Variants in CST3 observed in about 807,000 individuals in gnomAD.
CST3 encodes the protein cystatin C, also known as cystatin-C.
In CST3, 14 loss-of-function variants were observed where a neutral mutation model predicts 9.0. That is an observed-to-expected ratio of 1.56 (90% confidence interval 1.03 to 2.44). The LOEUF is 2.44. Ranked by LOEUF, CST3 falls within the 30% of genes most tolerant of loss-of-function variation. The pLI, the probability that CST3 is intolerant of heterozygous loss-of-function variation, is 0.00. For synonymous variants in CST3, 96 were observed against 90.2 expected (o/e 1.06, Z -0.37); for missense variants, 237 against 204.3 (o/e 1.16, Z -0.98).
downstream of CST3, among the ~76,000 whole-genome samples, chr20:23,632,551 G>A (rs747057450): frequency 2.6e-5 from 4 of 152,164 alleles, no homozygotes; most frequent in South Asian, 2.1e-4. Context: ...GGAAGCAGAC[G>A]CTCCCCACTC....
chr20:23,630,046 T>C (rs1979395959), downstream of CST3, among the ~76,000 whole-genome samples: 1 of 152,252 alleles, frequency 6.6e-6, no homozygotes, highest in Admixed American at 6.5e-5. Flanking sequence ...AGACTATCTT[T>C]ACCTGCTGCA....
chr20:23,634,354 C>T (rs79996778), intron 2 of CST3, among the ~76,000 whole-genome samples: 4,548 of 152,284 alleles, frequency 0.03, 97 homozygotes, highest in Non-Finnish European at 0.044. Context: ...CACCTCCAGC[C>T]CTCAGGCCAG....
downstream of CST3, among the ~76,000 whole-genome samples, chr20:23,633,291 C>T (rs73102315): frequency 0.032 from 4,851 of 152,222 alleles, 116 homozygotes; most frequent in Non-Finnish European, 0.048. Flanking sequence ...TATGACCTGG[C>T]GAGCTCCACC....
rs977504934 is a variant in CST3 at position 23,634,165 on chromosome 20, G to A, written c.358-166C>T. ...CTGATCCCAGAGCACCGCTGGACTGGGCAGTGACTGCTCCATCCCTCTCCC... is the reference window on the plus strand; with the variant it reads ...CTGATCCCAGAGCACCGCTGGACTGAGCAGTGACTGCTCCATCCCTCTCCC... On this transcript the variant is annotated intron_variant, in intron 2 of 2. Transcript: ENST00000376925. Among the ~76,000 whole-genome samples, 32 of 152,096 alleles carry A rather than the reference G, an allele frequency of 2.1e-4. 1 individual carries two copies.
chr20:23,628,276 C>T (rs1163501227), exon 4 of CST3: 3 of 152,232 alleles, frequency 2.0e-5, no homozygotes, highest in African/African-American at 7.2e-5. Flanking sequence ...AGCTACACTT[C>T]TGGCTGACCA....
intron 1 of CST3, 129 bp downstream of exon 1, chr20:23,637,491 A>T (rs1979725161): frequency 2.1e-6 from 2 of 937,354 alleles, no homozygotes; most frequent in Non-Finnish European, 2.9e-6. Context: ...GTGACAGCGA[A>T]GACCGGGAAC....
At chr20:23,631,063 A>G (rs1006962702), downstream of CST3, among the ~76,000 whole-genome samples, 7 of 152,196 alleles carry the variant, frequency 4.6e-5, no homozygotes. Context: ...ATTGAACCTG[A>G]AAAAACAGTT....
chr20:23,626,716 A>G (rs955029889), exon 4 of CST3: 1 of 152,136 alleles, frequency 6.6e-6, no homozygotes, highest in Non-Finnish European at 1.5e-5. Flanking sequence ...TTGTTTGTAC[A>G]CTTTAAGAAT....
chr20:23,637,578 G>T, intron 1 of CST3, 42 bp downstream of exon 1: 1 of 1,454,988 alleles, frequency 6.9e-7, no homozygotes, highest in African/African-American at 1.5e-5. Context: ...AGGCTGGGAC[G>T]GCGGGGCCGG....
downstream of CST3, among the ~76,000 whole-genome samples, chr20:23,633,315 T>C (rs967333437): frequency 4.0e-5 from 6 of 151,372 alleles, no homozygotes; most frequent in Non-Finnish European, 7.4e-5. Context: ...GCCTGGCCCC[T>C]GTCTATGGAC....
At chr20:23,636,233 G>T (rs1273159417) in intron 1 of CST3, among the ~76,000 whole-genome samples, 2 of 152,202 alleles carry the variant, frequency 1.3e-5, no homozygotes, top group Non-Finnish European at 1.5e-5. Context: ...ACGGCTGCGG[G>T]AGAAACGCGG....
intron 2 of CST3, among the ~76,000 whole-genome samples, chr20:23,634,474 C>T (rs543778124): frequency 1.3e-5 from 2 of 152,226 alleles, no homozygotes; most frequent in East Asian, 1.9e-4. Context: ...TGAGCAGAGA[C>T]GTCACAAGAA....
At chr20:23,635,553 T>C (rs1979641586) in intron 1 of CST3, among the ~76,000 whole-genome samples, 186 bp from the exon 2 acceptor site, 1 of 152,212 alleles carries the variant, frequency 6.6e-6, no homozygotes, top group Non-Finnish European at 1.5e-5. Context: ...AGGGATGCCA[T>C]GCCCCAGGCC....
In CST3 at chr20:23,635,182, T is replaced by TCACACA. The variant is rs3067508; in HGVS notation, c.357+66_357+71dup. On this transcript the variant is annotated intron_variant, in intron 2 of 2. Coordinates refer to ENST00000376925, the MANE Select transcript of CST3 (RefSeq NM_000099.4). ...ACACGTACCCTGCAGAACATGTGCA[T>TCACACA]CACACACACACACACACACACACAC... is the stretch of plus-strand genomic sequence containing the variant. 1.3e-3 allele frequency: 1,486 copies of TCACACA among 1,104,070 alleles called. 3 individuals are homozygous for TCACACA. The African/African-American group carries it at 0.015, about 11-fold the overall frequency. The allele number at this position is 1,104,070 out of a possible 1,614,324, so 68.4% of individuals were successfully genotyped here. A position where few individuals can be genotyped will look rare whatever the true frequency, so the allele number is the denominator to read the frequency against.
At chr20:23,637,542 ACGGGGTCCGGGAGCAGCG>A in intron 1 of CST3, 60 bp downstream of exon 1, 1 of 1,333,418 alleles carries the variant, frequency 7.5e-7, no homozygotes, top group Non-Finnish European at 9.8e-7. Context: ...GAGGAGCAGC[ACGGGGTCCGGGAGCAGCG>A]CGGGGGGAGG....
At chr20:23,634,287 T>C (rs1441271123) in intron 2 of CST3, among the ~76,000 whole-genome samples, 1 of 152,094 alleles carries the variant, frequency 6.6e-6, no homozygotes, top group Non-Finnish European at 1.5e-5. Flanking sequence ...GTGCAAGGCC[T>C]CGGGAGCCCT....
intron 2 of CST3, among the ~76,000 whole-genome samples, chr20:23,634,554 C>T (rs77618046): frequency 0.03 from 4,537 of 152,100 alleles, 228 homozygotes; most frequent in African/African-American, 0.1. Context: ...TGCTAACAGG[C>T]CTCTACTACC....
exon 4 of CST3, chr20:23,627,683 T>C (rs1979302808): frequency 6.6e-6 from 1 of 152,238 alleles, no homozygotes. Context: ...TTCCAATTTG[T>C]TATTTGTGGT....
chr20:23,634,900 C>T (rs1455036978), intron 2 of CST3, among the ~76,000 whole-genome samples: 1 of 152,064 alleles, frequency 6.6e-6, no homozygotes. Context: ...CACACACACA[C>T]AGGGCAGGTA....
Sources: gnomAD v4.1 joint callset for allele counts (sites outside exome capture counted in the v4.1 genomes callset) on GRCh38, gnomAD v4.1.1 for gene constraint, MANE v1.5 for transcripts, NCBI Gene and HGNC (gene_info 2026-07-23, HGNC 2026-07-21) for gene names.